ARHGEF26: variants seen among roughly 807,000 people sequenced by gnomAD.
The protein encoded by ARHGEF26 is Rho guanine nucleotide exchange factor 26.
In ARHGEF26, 59 loss-of-function variants were observed where a neutral mutation model predicts 89.4. That is an observed-to-expected ratio of 0.66 (90% CI 0.54 to 0.82). ARHGEF26 has a LOEUF of 0.82. Ranked by LOEUF, ARHGEF26 falls within the 40% of genes least tolerant of loss-of-function variation. ARHGEF26 has a pLI of 0.00. For synonymous variants in ARHGEF26, 500 were observed against 428.4 expected (o/e 1.17, Z -2.06); for missense variants, 1,234 against 1,085.6 (o/e 1.14, Z -1.92).
Position 154,249,514 on chromosome 3 carries a change from T to C in ARHGEF26, c.2301-3602T>C, listed in dbSNP as rs76300680. The stretch of plus-strand genomic sequence containing the variant: ...AGTCTCTTTTCAATTTAGTCGTCTT[T>C]CTCTACGTAGGTCAAATGTTTTGGT... On this transcript the variant is annotated intron_variant, in intron 12 of 14. Transcript: ENST00000465093. Among the ~76,000 whole-genome samples the C allele has an allele frequency of 4.8e-3, 724 of 152,324 alleles. 5 individuals are homozygous for C. The highest frequency in any genetic ancestry group is 0.017 in the African/African-American group (688 of 41,562).
intron 4 of ARHGEF26, among the ~76,000 whole-genome samples, chr3:154,137,201 CA>C (rs1279773152): frequency 1.3e-5 from 2 of 152,126 alleles, no homozygotes; most frequent in African/African-American, 2.4e-5. Flanking sequence ...TTAACAGCCG[CA>C]GATTACTGGG....
At chr3:154,233,632 C>T (rs577080501) in intron 11 of ARHGEF26, among the ~76,000 whole-genome samples, 2 of 152,094 alleles carry the variant, frequency 1.3e-5, no homozygotes, top group South Asian at 2.1e-4. Flanking sequence ...GGAGAGTGTC[C>T]CCAAAGAAGA....
intron 5 of ARHGEF26, among the ~76,000 whole-genome samples, chr3:154,150,754 A>G (rs1184790384): frequency 2.0e-5 from 3 of 152,096 alleles, no homozygotes; most frequent in South Asian, 2.1e-4. Flanking sequence ...TCCCATTTGA[A>G]CATTTTTGTT....
chr3:154,210,715 G>T (rs1197866880), intron 9 of ARHGEF26, among the ~76,000 whole-genome samples: 1 of 150,858 alleles, frequency 6.6e-6, no homozygotes, highest in East Asian at 2.1e-4. Flanking sequence ...GCCGAGGCAG[G>T]CGGATCACCT....
intron 6 of ARHGEF26, among the ~76,000 whole-genome samples, chr3:154,186,166 C>CACACACACACACACACACA (rs397991429): frequency 6.9e-6 from 1 of 144,698 alleles, no homozygotes; most frequent in African/African-American, 2.7e-5. Flanking sequence ...CACACACACA[C>CACACACACACACACACACA]CCCTATACAC....
Position 154,123,109 on chromosome 3 carries a change from C to G in ARHGEF26, c.1083+34C>G, listed in dbSNP as rs7630182. ...GGGCAGGAGTGTGGCACGCCATTCA[C>G]TAAGCGGAAAGTAAATGTGTTGGGA... On this transcript the variant is annotated intron_variant, in intron 2 of 14. Transcript: ENST00000465093. The G allele has an allele frequency of 0.018, 28,929 of 1,608,782 alleles. 1,121 individuals carry two copies. Among genetic ancestry groups the G allele is most frequent in the African/African-American group, 0.14 (10,161 of 74,898 alleles).
At chr3:154,240,679 T>C in intron 12 of ARHGEF26, 100 bp downstream of exon 12, 1 of 1,101,594 alleles carries the variant, frequency 9.1e-7, no homozygotes, top group Non-Finnish European at 1.3e-6. Flanking sequence ...CTACTATTCA[T>C]GTTTTTGTTG....
At chr3:154,221,500 G>A (rs574085328) in intron 10 of ARHGEF26, among the ~76,000 whole-genome samples, 5 of 152,234 alleles carry the variant, frequency 3.3e-5, no homozygotes, top group African/African-American at 4.8e-5. Context: ...ACTCATGAAT[G>A]TATAAAATTA....
intron 6 of ARHGEF26, among the ~76,000 whole-genome samples, chr3:154,158,169 A>G (rs555610699): frequency 1.3e-5 from 2 of 152,268 alleles, no homozygotes; most frequent in East Asian, 3.9e-4. Flanking sequence ...CCTTTTTGAG[A>G]TGCATGGAGT....
chr3:154,187,753 A>C lies in ARHGEF26; in HGVS notation c.1556A>C (p.Glu519Ala), dbSNP rs1455210038. 6.2e-7 allele frequency: 1 copy of C among 1,612,024 alleles called. No individual in the cohort carries two copies. The change falls in exon 7 of 15, where the codon GAA (glutamate) becomes GCA (alanine). Residue 519 changes from glutamate (E) to alanine (A), a missense_variant. Glu to Ala is a moderately radical substitution (Grantham distance 107). Coordinates refer to ENST00000465093, the MANE Select transcript of ARHGEF26 (RefSeq NM_015595.4). Reference sequence around the variant, plus strand: ...ATAGATGACATAAGTGACATTGTGGAAAAACACACAGCATCCACATTTGAC... The same window carrying C: ...ATAGATGACATAAGTGACATTGTGGCAAAACACACAGCATCCACATTTGAC... The part of the protein sequence containing the change: ...IFIDDISDIV[E>A]KHTASTFDPY...
intron 9 of ARHGEF26, among the ~76,000 whole-genome samples, chr3:154,204,516 A>T (rs1016305575): frequency 6.6e-6 from 1 of 151,678 alleles, no homozygotes; most frequent in Non-Finnish European, 1.5e-5. Context: ...TTTTTAGTAG[A>T]GATGGGGTTT....
At chr3:154,195,788 A>C (rs895986360) in intron 9 of ARHGEF26, among the ~76,000 whole-genome samples, 2 of 152,158 alleles carry the variant, frequency 1.3e-5, no homozygotes, top group African/African-American at 4.8e-5. Flanking sequence ...TCATCAGCAT[A>C]TGGACAATAG....
At chr3:154,231,726 A>T (rs1398395268) in intron 11 of ARHGEF26, among the ~76,000 whole-genome samples, 1 of 152,186 alleles carries the variant, frequency 6.6e-6, no homozygotes, top group Non-Finnish European at 1.5e-5. Context: ...CTAGGACCAG[A>T]CATGAATTTA....
At position 154,129,558 on chromosome 3, in the gene ARHGEF26, C is replaced by T. The variant is rs567827890; in HGVS notation, c.1124-16C>T. 2.9e-5 allele frequency: 46 copies of T among 1,608,604 alleles called. No individual in the cohort carries two copies. Among genetic ancestry groups the T allele is most frequent in the East Asian group, 2.7e-4 (12 of 44,802 alleles). ...TTGAGAACAATTAGTGACACATAGG[C>T]CTTGTTTTCTTGCAGAAAATGCTGT... On this transcript the variant is annotated splice_polypyrimidine_tract_variant and intron_variant, in intron 3 of 14. Coordinates refer to ENST00000465093, the MANE Select transcript of ARHGEF26 (RefSeq NM_015595.4).
chr3:154,226,431 C>T lies in ARHGEF26; in HGVS notation c.2090+421C>T, dbSNP rs76368082. 7.8e-3 allele frequency among the ~76,000 whole-genome samples: 1,189 copies of T among 152,202 alleles called. 11 individuals carry two copies. The highest frequency in any genetic ancestry group is 0.027 in the African/African-American group (1,136 of 41,544). On this transcript the variant is annotated intron_variant, in intron 11 of 14. Coordinates refer to ENST00000465093, the MANE Select transcript of ARHGEF26 (RefSeq NM_015595.4). ...GCTCCTTTTAACTTAATTTAAAATG[C>T]ACTGCTTTTAATGATCCTTAGTCTA... is the stretch of plus-strand genomic sequence containing the variant.
intron 4 of ARHGEF26, among the ~76,000 whole-genome samples, chr3:154,137,661 T>G (rs1719093000): frequency 6.6e-6 from 1 of 152,116 alleles, no homozygotes; most frequent in Non-Finnish European, 1.5e-5. Flanking sequence ...ATATATAATA[T>G]GTCCTTCATG....
chr3:154,219,395 G>A (rs1249664960), intron 10 of ARHGEF26, among the ~76,000 whole-genome samples: 1 of 151,992 alleles, frequency 6.6e-6, no homozygotes, highest in Non-Finnish European at 1.5e-5. Flanking sequence ...AGGAGTTCGA[G>A]AGCAGCCTGA....
chr3:154,170,385 A>AG (rs1267736596), intron 6 of ARHGEF26, among the ~76,000 whole-genome samples: 1 of 152,074 alleles, frequency 6.6e-6, no homozygotes, highest in African/African-American at 2.4e-5. Context: ...AGAAAAGAAA[A>AG]AACAAACAAA....
At position 154,195,061 on chromosome 3, in the gene ARHGEF26, G is replaced by T. The variant is rs1021855011; in HGVS notation, c.1845+343G>T. 2.0e-5 allele frequency among the ~76,000 whole-genome samples: 3 copies of T among 152,216 alleles called. No individual in the cohort carries two copies. The East Asian group carries it at 5.8e-4, about 29-fold the overall frequency. On this transcript the variant is annotated intron_variant, in intron 9 of 14. Coordinates refer to ENST00000465093, the MANE Select transcript of ARHGEF26 (RefSeq NM_015595.4). ...GGAAATGCAGTGATGAGTGAGGCAC[G>T]TGTAGTCACTGTGCTCGTGGAATGT...
Sources: gnomAD v4.1 joint callset for allele counts (sites outside exome capture counted in the v4.1 genomes callset) on GRCh38, gnomAD v4.1.1 for gene constraint, MANE v1.5 for transcripts, NCBI Gene and HGNC (gene_info 2026-07-23, HGNC 2026-07-21) for gene names.